MPDZ: variants seen among roughly 807,000 people sequenced by gnomAD.
MPDZ encodes multiple PDZ domain protein.
A neutral mutation model predicts 239.1 loss-of-function variants in MPDZ; 234 were observed. The observed-to-expected ratio is 0.98, with a 90% CI of 0.88 to 1.09. The LOEUF is 1.09. Among genes scored for constraint, MPDZ ranks in the 50% least tolerant of loss-of-function variants. MPDZ has a pLI of 0.00. For missense variants in MPDZ, 3,175 were observed against 2,510.0 expected, an observed-to-expected ratio of 1.26 and a Z score of -5.66; for synonymous variants, 1,048 against 881.3, an observed-to-expected ratio of 1.19 and a Z score of -3.35.
In MPDZ at chr9:13,186,345, G is replaced by T. The variant is rs1376310121; in HGVS notation, c.2406C>A (p.Ser802=). The change falls in exon 18 of 47, where the codon TCC becomes TCA. Residue 802 remains serine, a synonymous_variant. Transcript: ENST00000319217. ...EEGYVSAKED[S]FLYPPHSCEE... is the part of the protein sequence containing the mutation. ...CACAGGAGTGTGGTGGGTAGAGAAA[G>T]GAATCCTCCTTAGCAGAAACATAAC... The T allele has an allele frequency of 6.3e-7, 1 of 1,591,750 alleles. No individual in the cohort carries two copies.
chr9:13,196,588 G>A (rs978741402), intron 12 of MPDZ, among the ~76,000 whole-genome samples: 1 of 151,954 alleles, frequency 6.6e-6, no homozygotes, highest in South Asian at 2.1e-4. Context: ...AATGTTCTCT[G>A]TTTTATTTTC....
At chr9:13,275,272 C>T (rs1422659472) in intron 1 of MPDZ, among the ~76,000 whole-genome samples, 1 of 152,168 alleles carries the variant, frequency 6.6e-6, no homozygotes, top group Non-Finnish European at 1.5e-5. Context: ...TAAATGAGGT[C>T]ACTAGGGGTG....
At chr9:13,129,240 A>T (rs922356506) in intron 32 of MPDZ, among the ~76,000 whole-genome samples, 8 of 152,124 alleles carry the variant, frequency 5.3e-5, no homozygotes, top group Non-Finnish European at 4.4e-5. Context: ...AGGCAGGTGG[A>T]TCACCTGAGG....
intron 30 of MPDZ, among the ~76,000 whole-genome samples, chr9:13,136,389 T>A (rs1445867672): frequency 7.0e-6 from 1 of 142,304 alleles, no homozygotes; most frequent in African/African-American, 2.6e-5. Context: ...TGGAGTGTAG[T>A]GGCACAGTCT....
At chr9:13,134,003 T>G (rs977720304) in intron 31 of MPDZ, 99 bp from the exon 32 acceptor site, 2 of 416,350 alleles carry the variant, frequency 4.8e-6, no homozygotes, top group African/African-American at 4.2e-5. Context: ...TTTTATACAT[T>G]ATATAAAATT....
In MPDZ at chr9:13,254,875, T is replaced by C. The variant is rs78538311; in HGVS notation, c.-57-4503A>G. 9.7e-3 allele frequency among the ~76,000 whole-genome samples: 1,478 copies of C among 152,320 alleles called. 28 individuals carry two copies. The highest frequency in any genetic ancestry group is 0.034 in the African/African-American group (1,399 of 41,562). On this transcript the variant is annotated intron_variant, in intron 1 of 46. Transcript: ENST00000319217. ...GTCTTGCCTTTGTGTTGATGGCTGC[T>C]GACTGACGGGTGGTGGTTGCTGAAG...
intron 16 of MPDZ, among the ~76,000 whole-genome samples, 189 bp from the exon 17 acceptor site, chr9:13,189,182 A>G (rs1205133805): frequency 1.3e-5 from 2 of 152,198 alleles, no homozygotes. Context: ...GGGTTTAGGA[A>G]GAAGTCACCT....
In MPDZ at chr9:13,176,361, T is replaced by C. The variant is rs759673011; in HGVS notation, c.2706A>G (p.Glu902=). ...PVLDLHMSLE[E]LYTQNLLQRQ... Reference sequence around the variant, plus strand: ...TTTGCAGGAGATTCTGGGTATATAGTTCCTCCAGAGACATATGCAGATCAA... The same window carrying C: ...TTTGCAGGAGATTCTGGGTATATAGCTCCTCCAGAGACATATGCAGATCAA... The change falls in exon 20 of 47, where the codon GAA becomes GAG. Residue 902 remains glutamate, a synonymous_variant. Coordinates refer to ENST00000319217, the MANE Select transcript of MPDZ (RefSeq NM_001378778.1). The C allele has an allele frequency of 6.2e-7, 1 of 1,606,166 alleles. No homozygotes were observed. The highest frequency in any genetic ancestry group is 1.3e-5 in the African/African-American group (1 of 74,858).
intron 10 of MPDZ, among the ~76,000 whole-genome samples, chr9:13,209,031 C>T (rs1183886644): frequency 6.6e-6 from 1 of 152,118 alleles, no homozygotes; most frequent in Non-Finnish European, 1.5e-5. Flanking sequence ...ATGGTCTGCG[C>T]ATGGCCAGAT....
chr9:13,110,563 C>T, intron 44 of MPDZ, 73 bp downstream of exon 44: 1 of 972,050 alleles, frequency 1.0e-6, no homozygotes, highest in South Asian at 1.4e-5. Flanking sequence ...ATCATTTTTA[C>T]TGCTTTAACA....
chr9:13,155,188 A>T (rs928442824), intron 24 of MPDZ, among the ~76,000 whole-genome samples: 3 of 150,210 alleles, frequency 2.0e-5, no homozygotes, highest in Admixed American at 6.6e-5. Flanking sequence ...ACTGCATTCC[A>T]GCCTGGCAAC....
intron 3 of MPDZ, among the ~76,000 whole-genome samples, chr9:13,229,828 C>T (rs1335824206): frequency 6.6e-6 from 1 of 151,980 alleles, no homozygotes; most frequent in African/African-American, 2.4e-5. Context: ...CATACAGTTG[C>T]ACAAAAGGTA....
intron 26 of MPDZ, among the ~76,000 whole-genome samples, chr9:13,144,598 T>C (rs1413548889): frequency 6.6e-6 from 1 of 152,028 alleles, no homozygotes; most frequent in Non-Finnish European, 1.5e-5. Flanking sequence ...GCATCAAGTA[T>C]AGGGAGAGGT....
rs1414573022 is a variant in MPDZ, at chr9:13,126,783, A to G, written c.4465-11T>C. On this transcript the variant is annotated splice_polypyrimidine_tract_variant and intron_variant, in intron 32 of 46. Transcript: ENST00000319217. ...CAAACCCCCCTGATCCTAGAAAAGT[A>G]AAAACAAAAATGCTCAGAAGACTTG... The G allele has an allele frequency of 6.2e-7, 1 of 1,608,338 alleles. No homozygotes were observed. Among genetic ancestry groups the G allele is most frequent in the African/African-American group, 1.3e-5 (1 of 74,792 alleles).
intron 13 of MPDZ, among the ~76,000 whole-genome samples, chr9:13,195,287 CA>C (rs1287188828): frequency 6.6e-6 from 1 of 151,648 alleles, no homozygotes; most frequent in East Asian, 1.9e-4. Context: ...GACCTTGTCT[CA>C]AAAAAACAAA....
chr9:13,202,478 G>C (rs1481349811), intron 12 of MPDZ, among the ~76,000 whole-genome samples: 1 of 152,178 alleles, frequency 6.6e-6, no homozygotes, highest in African/African-American at 2.4e-5. Context: ...CATGGAACCA[G>C]CCAGTATCTT....
chr9:13,213,642 T>C (rs1227666141), intron 10 of MPDZ, among the ~76,000 whole-genome samples: 3 of 152,110 alleles, frequency 2.0e-5, no homozygotes, highest in African/African-American at 7.2e-5. Context: ...AAAGAATGTT[T>C]GCTAAAAATT....
At chr9:13,113,254 C>G (rs566960858) in intron 41 of MPDZ, among the ~76,000 whole-genome samples, 200 bp from the exon 42 acceptor site, 1 of 151,946 alleles carries the variant, frequency 6.6e-6, no homozygotes, top group Non-Finnish European at 1.5e-5. Flanking sequence ...ACGTGTATAC[C>G]ATCCCATTCT....
At chr9:13,266,251 G>A (rs1474140411) in intron 1 of MPDZ, among the ~76,000 whole-genome samples, 1 of 152,202 alleles carries the variant, frequency 6.6e-6, no homozygotes, top group African/African-American at 2.4e-5. Flanking sequence ...GGAAAGAGCA[G>A]GCTCAAATTT....
Sources: gnomAD v4.1 joint callset for allele counts (sites outside exome capture counted in the v4.1 genomes callset) on GRCh38, gnomAD v4.1.1 for gene constraint, MANE v1.5 for transcripts, NCBI Gene and HGNC (gene_info 2026-07-23, HGNC 2026-07-21) for gene names.